COL9A1: variants seen among roughly 807,000 people sequenced by gnomAD.
The protein encoded by COL9A1 is collagen type IX alpha 1 chain, also known as collagen alpha-1(IX) chain.
Under a neutral mutation model 142.6 loss-of-function variants are expected in COL9A1, and 104 were observed. The ratio of observed to expected loss-of-function variants is 0.73; its 90% CI spans 0.62 to 0.86. The LOEUF is 0.86. COL9A1 is among the 40% of genes least tolerant of loss of function. The pLI, the probability that COL9A1 is intolerant of heterozygous loss-of-function variation, is 0.00. For synonymous variants in COL9A1, 466 were observed against 396.0 expected (o/e 1.18, Z -2.10); for missense variants, 1,210 against 1,176.6 (o/e 1.03, Z -0.42).
At chr6:70,272,651 C>G (rs1772483601) in intron 12 of COL9A1, among the ~76,000 whole-genome samples, 1 of 152,036 alleles carries the variant, frequency 6.6e-6, no homozygotes, top group African/African-American at 2.4e-5. Context: ...CCTGAAGTAA[C>G]CTACAATGGG....
Position 70,225,993 on chromosome 6 carries a change from C to T in COL9A1, c.2520G>A (p.Lys840=), listed in dbSNP as rs1287408615. Residue 840 remains lysine, a synonymous_variant, in exon 37 of 38, where the codon AAG becomes AAA. Transcript: ENST00000357250. Reference sequence around the variant, plus strand: ...CTCTTCCTGGAGGGCCACGCTCCCCCTTTTCTCCCAAGTCACCTGCATTAC... The same window carrying T: ...CTCTTCCTGGAGGGCCACGCTCCCCTTTTTCTCCCAAGTCACCTGCATTAC... ...LRGPKGDLGE[K]GERGPPGRGP... The T allele has an allele frequency of 5.0e-6, 8 of 1,613,838 alleles. No homozygotes were observed. The highest frequency in any genetic ancestry group is 8.5e-7 in the Non-Finnish European group (1 of 1,179,864).
intron 28 of COL9A1, among the ~76,000 whole-genome samples, chr6:70,250,358 GCA>G (rs1770866232): frequency 6.6e-6 from 1 of 152,186 alleles, no homozygotes; most frequent in Non-Finnish European, 1.5e-5. Context: ...TAGTCATATA[GCA>G]TCTTCATTGT....
chr6:70,273,281 A>G (rs1456952885), intron 12 of COL9A1, among the ~76,000 whole-genome samples: 4 of 152,144 alleles, frequency 2.6e-5, no homozygotes. Context: ...CATTGTCAGA[A>G]ACCTAGATGT....
intron 5 of COL9A1, among the ~76,000 whole-genome samples, chr6:70,287,993 C>T (rs1468785504): frequency 6.6e-6 from 1 of 152,020 alleles, no homozygotes; most frequent in Admixed American, 6.6e-5. Context: ...CTTTAAATAC[C>T]ATATGTATGT....
At chr6:70,299,351 AG>A (rs1279197524) in intron 4 of COL9A1, among the ~76,000 whole-genome samples, 1 of 152,102 alleles carries the variant, frequency 6.6e-6, no homozygotes, top group African/African-American at 2.4e-5. Context: ...GTTTTTTTAT[AG>A]TGTGCTAAAG....
At chr6:70,249,837 G>A (rs1047122309) in intron 28 of COL9A1, among the ~76,000 whole-genome samples, 10 of 152,122 alleles carry the variant, frequency 6.6e-5, no homozygotes, top group Admixed American at 1.3e-4. Flanking sequence ...GCAGCCCACG[G>A]CACTTAACTG....
chr6:70,258,265 C>G (rs1487259352), intron 20 of COL9A1, among the ~76,000 whole-genome samples: 1 of 152,074 alleles, frequency 6.6e-6, no homozygotes, highest in African/African-American at 2.4e-5. Context: ...TTCTAATGAA[C>G]CAAGTTGAGA....
At chr6:70,262,477 T>A (rs181672845) in intron 19 of COL9A1, among the ~76,000 whole-genome samples, 1 of 152,216 alleles carries the variant, frequency 6.6e-6, no homozygotes, top group Admixed American at 6.5e-5. Context: ...AGCAGGTGAA[T>A]GGTGTTCCTG....
In COL9A1 at chr6:70,263,271, G is replaced by A. The variant is rs140761349; in HGVS notation, c.1368C>T (p.Leu456=). 1,583 of 1,608,170 alleles carry A rather than the reference G, an allele frequency of 9.8e-4. 2 individuals are homozygous for A. The highest frequency in any genetic ancestry group is 1.3e-3 in the Non-Finnish European group (1,495 of 1,177,046). The part of the protein sequence containing the change: ...HKGEEGDQGE[L]GEVGAQGPPG... ...GAGGTCCTTGAGCTCCAACTTCTCC[G>A]AGTTCTCCCTGGTCACCTTCTTCAC... The change falls in exon 19 of 38, where the codon CTC becomes CTT. Residue 456 remains leucine (L), a synonymous_variant. Coordinates refer to ENST00000357250, the MANE Select transcript of COL9A1 (RefSeq NM_001851.6).
chr6:70,215,724 A>C (rs945188154), downstream of COL9A1: 1 of 152,210 alleles, frequency 6.6e-6, no homozygotes, highest in African/African-American at 2.4e-5. Flanking sequence ...TCTGAGTAGG[A>C]GGGAGCTAAC....
In COL9A1 at chr6:70,234,813, G is replaced by T; in HGVS notation, c.2240C>A (p.Pro747His). The T allele has an allele frequency of 6.2e-7, 1 of 1,614,106 alleles. No individual in the cohort carries two copies. Among genetic ancestry groups the T allele is most frequent in the South Asian group, 1.1e-5 (1 of 91,072 alleles). The change falls in exon 34 of 38, where the codon CCT (proline) becomes CAT (histidine). Residue 747 changes from proline to histidine, a missense_variant. Pro to His is a moderately conservative substitution (Grantham distance 77, BLOSUM62 -2). Transcript: ENST00000357250. Reference protein sequence around the residue: ...VQGEQGATGLPGVQGPPGRAP... With the variant: ...VQGEQGATGLHGVQGPPGRAP... ...ACTCACCGGAGGGCCCTGGACACCA[G>T]GCAGGCCGGTGGCACCCTGTTCTCC...
chr6:70,241,471 A>G lies in COL9A1; in HGVS notation c.1999-17T>C, dbSNP rs756880470. The G allele has an allele frequency of 5.0e-6, 8 of 1,604,336 alleles. No homozygotes were observed. The highest frequency in any genetic ancestry group is 6.8e-6 in the Non-Finnish European group (8 of 1,171,254). On this transcript the variant is annotated splice_polypyrimidine_tract_variant and intron_variant, in intron 30 of 37. Coordinates refer to ENST00000357250, the MANE Select transcript of COL9A1 (RefSeq NM_001851.6). ...GACTACACCCTGTAATAAATAAAAT[A>G]TAATACTTTTTCAGTATTTTCAACT...
At chr6:70,296,712 AG>A (rs1376688696) in intron 4 of COL9A1, among the ~76,000 whole-genome samples, 1 of 152,124 alleles carries the variant, frequency 6.6e-6, no homozygotes, top group Admixed American at 6.5e-5. Flanking sequence ...TGGAGCTGGG[AG>A]ATACATTTTC....
intron 14 of COL9A1, among the ~76,000 whole-genome samples, chr6:70,271,201 T>G (rs1463792762): frequency 6.6e-6 from 1 of 152,232 alleles, no homozygotes; most frequent in East Asian, 1.9e-4. Context: ...AATATCAATA[T>G]GAAGCATTTT....
Position 70,294,156 on chromosome 6 carries a change from T to C in COL9A1, c.696+11A>G. On this transcript the variant is annotated intron_variant, in intron 5 of 37. Transcript: ENST00000357250. ...GCTTTAATCTGCCATAGTGTGTGGT[T>C]TTATACTTACTGGAACAGAAACTTG... The C allele has an allele frequency of 6.2e-7, 1 of 1,613,958 alleles. No homozygotes were observed. The highest frequency in any genetic ancestry group is 2.2e-5 in the East Asian group (1 of 44,880).
chr6:70,229,819 G>A (rs1407836166), intron 36 of COL9A1, among the ~76,000 whole-genome samples: 1 of 152,078 alleles, frequency 6.6e-6, no homozygotes. Context: ...GTGAAAAACA[G>A]AAAAATTATA....
chr6:70,278,199 G>A (rs554004758), intron 10 of COL9A1, among the ~76,000 whole-genome samples: 3 of 152,024 alleles, frequency 2.0e-5, no homozygotes, highest in South Asian at 2.1e-4. Flanking sequence ...CTTCTTGATC[G>A]GTGACTTAGG....
At chr6:70,229,622 T>C (rs1046539920) in intron 36 of COL9A1, among the ~76,000 whole-genome samples, 4 of 152,148 alleles carry the variant, frequency 2.6e-5, no homozygotes, top group Non-Finnish European at 5.9e-5. Flanking sequence ...CACTAAAATA[T>C]CTAAAAATAT....
intron 19 of COL9A1, 97 bp from the exon 20 acceptor site, chr6:70,260,807 T>C: frequency 3.7e-6 from 4 of 1,093,538 alleles, no homozygotes; most frequent in Non-Finnish European, 5.5e-6. Flanking sequence ...GATATTATCA[T>C]AACCAAAGGT....
Sources: gnomAD v4.1 joint callset for allele counts (sites outside exome capture counted in the v4.1 genomes callset) on GRCh38, gnomAD v4.1.1 for gene constraint, MANE v1.5 for transcripts, NCBI Gene and HGNC (gene_info 2026-07-23, HGNC 2026-07-21) for gene names.